GALNT13: variants seen among roughly 807,000 people sequenced by gnomAD.
GALNT13 encodes the protein polypeptide N-acetylgalactosaminyltransferase 13, also known as UDP-GalNAc:polypeptide N-acetylgalactosaminyltransferase 13.
In GALNT13, 28 loss-of-function variants were observed where a neutral mutation model predicts 64.2. That is an observed-to-expected ratio of 0.44 (90% CI 0.32 to 0.60). The LOEUF is 0.60. GALNT13 is among the 20% of genes least tolerant of loss of function. The pLI is 0.05. For synonymous variants in GALNT13, 214 were observed against 224.6 expected, an observed-to-expected ratio of 0.95 and a Z score of 0.42; for missense variants, 577 against 669.8, an observed-to-expected ratio of 0.86 and a Z score of 1.53.
the GALNT13 span, among the ~76,000 whole-genome samples, chr2:153,640,591 C>A: frequency 6.6e-6 from 1 of 151,894 alleles, no homozygotes; most frequent in Non-Finnish European, 1.5e-5. Flanking sequence ...CCAGCCTGGG[C>A]AATATAATGA....
At chr2:153,402,228 TTTTC>T in the GALNT13 span, among the ~76,000 whole-genome samples, 1 of 151,526 alleles carries the variant, frequency 6.6e-6, no homozygotes, top group Admixed American at 6.6e-5. Flanking sequence ...TTGAAAATTC[TTTTC>T]TTTAAGAGTG....
the GALNT13 span, among the ~76,000 whole-genome samples, chr2:153,260,379 C>T: frequency 2.0e-5 from 3 of 152,188 alleles, no homozygotes; most frequent in African/African-American, 7.2e-5. Flanking sequence ...TCTTGTAGGA[C>T]AGGTCCAGTG....
At chr2:154,054,930 G>C (rs1699823184) in intron 3 of GALNT13, among the ~76,000 whole-genome samples, 1 of 151,874 alleles carries the variant, frequency 6.6e-6, no homozygotes, top group Non-Finnish European at 1.5e-5. Flanking sequence ...CACACAACTT[G>C]TTCAGTGTCT....
At chr2:154,141,509 A>G (rs1039032657) in intron 4 of GALNT13, among the ~76,000 whole-genome samples, 2 of 152,160 alleles carry the variant, frequency 1.3e-5, no homozygotes, top group African/African-American at 2.4e-5. Flanking sequence ...ACACAAACAT[A>G]CACATTAGCC....
At chr2:153,697,669 T>A in the GALNT13 span, among the ~76,000 whole-genome samples, 1 of 152,176 alleles carries the variant, frequency 6.6e-6, no homozygotes, top group African/African-American at 2.4e-5. Context: ...CTATGAGTAA[T>A]ATGTGATAAA....
At chr2:153,474,820 C>T in the GALNT13 span, among the ~76,000 whole-genome samples, 3 of 152,232 alleles carry the variant, frequency 2.0e-5, no homozygotes, top group African/African-American at 7.2e-5. Flanking sequence ...GTCTCTGTCT[C>T]TCAGGGACTC....
the GALNT13 span, among the ~76,000 whole-genome samples, chr2:153,181,030 C>CTTTTTTT: frequency 1.6e-3 from 50 of 32,070 alleles, 4 homozygotes; most frequent in African/African-American, 6.6e-3. Context: ...TTTATTGTTT[C>CTTTTTTT]TTTTTTTTTT....
chr2:153,128,934 C>A, the GALNT13 span, among the ~76,000 whole-genome samples: 2 of 152,000 alleles, frequency 1.3e-5, no homozygotes, highest in Non-Finnish European at 2.9e-5. Flanking sequence ...AAAGACCTGC[C>A]CCCATGATTT....
the GALNT13 span, among the ~76,000 whole-genome samples, chr2:153,196,039 G>T: frequency 6.6e-6 from 1 of 152,136 alleles, no homozygotes; most frequent in Admixed American, 6.5e-5. Flanking sequence ...TGAGCCCAAG[G>T]CTTTTATAGA....
intron 8 of GALNT13, among the ~76,000 whole-genome samples, chr2:154,263,038 A>C (rs1263315411): frequency 2.6e-5 from 4 of 152,138 alleles, no homozygotes; most frequent in Non-Finnish European, 4.4e-5. Context: ...AAGAGTACAG[A>C]TCATTTTGCC....
intron 4 of GALNT13, among the ~76,000 whole-genome samples, chr2:154,218,718 G>A (rs985026882): frequency 1.1e-4 from 17 of 151,848 alleles, no homozygotes; most frequent in Admixed American, 8.6e-4. Flanking sequence ...TCAGCATTAC[G>A]TTTCAAGCTC....
intron 4 of GALNT13, among the ~76,000 whole-genome samples, chr2:154,140,866 T>C (rs895815497): frequency 2.0e-5 from 3 of 152,168 alleles, no homozygotes; most frequent in African/African-American, 2.4e-5. Context: ...AGAAATGTTC[T>C]GGAAAATATG....
At chr2:153,357,707 C>T in the GALNT13 span, among the ~76,000 whole-genome samples, 3 of 152,162 alleles carry the variant, frequency 2.0e-5, no homozygotes, top group Non-Finnish European at 4.4e-5. Flanking sequence ...TCTCCATCCT[C>T]ACTCAGGTTT....
chr2:153,403,536 A>G, the GALNT13 span, among the ~76,000 whole-genome samples: 162 of 152,134 alleles, frequency 1.1e-3, no homozygotes, highest in African/African-American at 2.0e-3. Context: ...CCTCCCTGCC[A>G]CCTTGCAGTT....
the GALNT13 span, among the ~76,000 whole-genome samples, chr2:153,318,749 A>G: frequency 6.6e-6 from 1 of 152,174 alleles, no homozygotes; most frequent in Non-Finnish European, 1.5e-5. Context: ...ATCTGCACTA[A>G]TATTATCTAT....
chr2:153,673,078 CCAAA>C, the GALNT13 span, among the ~76,000 whole-genome samples: 2 of 152,074 alleles, frequency 1.3e-5, no homozygotes, highest in African/African-American at 2.4e-5. Flanking sequence ...AGCCTGCCAA[CCAAA>C]CAAAGTCCAG....
At chr2:153,245,242 C>A in the GALNT13 span, among the ~76,000 whole-genome samples, 1 of 152,238 alleles carries the variant, frequency 6.6e-6, no homozygotes, top group African/African-American at 2.4e-5. Flanking sequence ...AAGAGAGCAG[C>A]TGATCCTGAC....
intron 9 of GALNT13, among the ~76,000 whole-genome samples, chr2:154,353,291 T>A (rs916958648): frequency 6.6e-6 from 1 of 152,142 alleles, no homozygotes; most frequent in Admixed American, 6.6e-5. Flanking sequence ...TTAAAAAAAT[T>A]ATATTCACTT....
chr2:154,071,590 C>T (rs1700742976), intron 3 of GALNT13, among the ~76,000 whole-genome samples: 1 of 152,122 alleles, frequency 6.6e-6, no homozygotes, highest in Non-Finnish European at 1.5e-5. Context: ...AATTTTACTA[C>T]TCACTATGAA....
Sources: allele counts gnomAD v4.1 joint callset (sites outside exome capture counted in the v4.1 genomes callset), GRCh38; gene constraint gnomAD v4.1.1; transcripts MANE v1.5; gene names NCBI Gene and HGNC (gene_info 2026-07-23, HGNC 2026-07-21).